YME1L1: variants seen among roughly 807,000 people sequenced by gnomAD.
YME1L1 encodes the protein ATP-dependent zinc metalloprotease YME1L1.
In YME1L1, 39 loss-of-function variants were observed where a neutral mutation model predicts 90.4. The observed-to-expected ratio is 0.43, with a 90% CI of 0.33 to 0.56. YME1L1 has a LOEUF of 0.56. Ranked by LOEUF, YME1L1 falls within the 20% of genes least tolerant of loss-of-function variation. The pLI is 0.03. For missense variants in YME1L1, 617 were observed against 868.4 expected, an observed-to-expected ratio of 0.71 and a Z score of 3.64; for synonymous variants, 284 against 287.3, an observed-to-expected ratio of 0.99 and a Z score of 0.12.
At chr10:27,126,976 C>T (rs2056926590) in intron 8 of YME1L1, among the ~76,000 whole-genome samples, 190 bp from the exon 9 acceptor site, 1 of 152,132 alleles carries the variant, frequency 6.6e-6, no homozygotes, top group African/African-American at 2.4e-5. Flanking sequence ...CCATTATTTC[C>T]CATTATGCAA....
chr10:27,118,856 A>G (rs1246961125), intron 14 of YME1L1, among the ~76,000 whole-genome samples: 4 of 152,224 alleles, frequency 2.6e-5, no homozygotes, highest in Non-Finnish European at 5.9e-5. Context: ...TACGTGCCTC[A>G]TCTCCCCACT....
chr10:27,117,362 G>C (rs556830719), intron 15 of YME1L1, among the ~76,000 whole-genome samples: 1 of 152,316 alleles, frequency 6.6e-6, no homozygotes, highest in Admixed American at 6.5e-5. Context: ...GAGGTCAGGA[G>C]TTCTAGAGCA....
In YME1L1 at chr10:27,120,605, C is replaced by T. The variant is rs191335720; in HGVS notation, c.1299-58G>A. ...TAAAACTATTTAAGCTCAAATTCAA[C>T]AGGACTGACACCCTAATGACGTGAC... On this transcript the variant is annotated intron_variant, in intron 12 of 18. Transcript: ENST00000376016. 12 of 1,379,356 alleles carry T rather than the reference C, an allele frequency of 8.7e-6. No individual in the cohort carries two copies. In the Middle Eastern group the frequency reaches 1.3e-3, roughly 146 times the overall value. The allele number at this position is 1,379,356 out of a possible 1,614,324, so 85.4% of individuals were successfully genotyped here.
intron 3 of YME1L1, 61 bp downstream of exon 3, chr10:27,145,367 G>GT (rs1328174945): frequency 7.5e-7 from 1 of 1,341,844 alleles, no homozygotes; most frequent in African/African-American, 1.5e-5. Flanking sequence ...CTAAGAAATG[G>GT]TATCTATAAT....
At chr10:27,129,100 AAAAAAAAAAAAAACT>A (rs2056950907) in intron 8 of YME1L1, 1 of 150,328 alleles carries the variant, frequency 6.7e-6, no homozygotes. Flanking sequence ...AAAAAAAAAA[AAAAAAAAAAAAAACT>A]CTCATTCCAA....
rs749293379 is a variant in YME1L1, at chr10:27,134,027, A to G, written c.775+12T>C. 1.3e-6 allele frequency: 2 copies of G among 1,579,506 alleles called. No individual in the cohort carries two copies. Among genetic ancestry groups the G allele is most frequent in the East Asian group, 2.2e-5 (1 of 44,696 alleles). The stretch of plus-strand genomic sequence containing the variant: ...ATAAGAAATAAGTTAGACAAATAAA[A>G]AAAGCTTTTACCAGATAAAAATGGG... On this transcript the variant is annotated intron_variant, in intron 7 of 18. Coordinates refer to ENST00000376016, the MANE Select transcript of YME1L1 (RefSeq NM_014263.4).
chr10:27,114,020 T>G (rs1242271907), intron 18 of YME1L1, among the ~76,000 whole-genome samples: 2 of 152,008 alleles, frequency 1.3e-5, no homozygotes, highest in Non-Finnish European at 1.5e-5. Context: ...CTTCCCATTC[T>G]ATTACCTCTT....
chr10:27,122,020 G>C (rs545299952), intron 11 of YME1L1, among the ~76,000 whole-genome samples: 7 of 152,214 alleles, frequency 4.6e-5, no homozygotes, highest in African/African-American at 1.7e-4. Flanking sequence ...ATAGGCTTGA[G>C]CTACTGTGCC....
At position 27,112,098 on chromosome 10, in the gene YME1L1, T is replaced by A. The variant is rs142481948; in HGVS notation, c.2030A>T (p.His677Leu). The change falls in exon 19 of 19, where the codon CAT (histidine) becomes CTT (leucine). Residue 677 changes from histidine (H) to leucine (L), a missense_variant. His to Leu is a moderately conservative substitution (Grantham distance 99, BLOSUM62 -3). This residue lies in a region of YME1L1 where 212 missense variants were observed against 330.0 expected (regional missense o/e 0.64). Coordinates refer to ENST00000376016, the MANE Select transcript of YME1L1 (RefSeq NM_014263.4). ...CTCCTTTGCATGAGTTTTCAAGATATGTTTTGCTCGTTCATATGAGTCCTG... is the reference window on the plus strand; with the variant it reads ...CTCCTTTGCATGAGTTTTCAAGATAAGTTTTGCTCGTTCATATGAGTCCTG... ...LLRDSYERAKHILKTHAKEHK... is the reference protein window; with the variant it reads ...LLRDSYERAKLILKTHAKEHK... 31 of 1,613,780 alleles carry A rather than the reference T, an allele frequency of 1.9e-5. No homozygotes were observed. Among genetic ancestry groups the A allele is most frequent in the Non-Finnish European group, 2.6e-5 (31 of 1,179,898 alleles).
chr10:27,121,748 ATT>A (rs10585648), intron 11 of YME1L1, among the ~76,000 whole-genome samples: 16 of 138,538 alleles, frequency 1.2e-4, no homozygotes, highest in Admixed American at 1.5e-4. Context: ...ACAAGCCACT[ATT>A]TTTTTTTTTT....
In YME1L1 at chr10:27,117,683, T is replaced by C. The variant is rs2135844119; in HGVS notation, c.1612A>G (p.Ile538Val). The C allele has an allele frequency of 6.2e-7, 1 of 1,614,244 alleles. No homozygotes were observed. The highest frequency in any genetic ancestry group is 8.5e-7 in the Non-Finnish European group (1 of 1,180,034). The change falls in exon 15 of 19, where the codon ATC (isoleucine) becomes GTC (valine). Residue 538 changes from isoleucine (I) to valine (V), a missense_variant. Around this residue, in one of 4 missense-constraint regions of YME1L1, gnomAD observed 212 missense variants for 330.0 expected, o/e 0.64. Transcript: ENST00000376016. ...TGACCAGATTCATGATATGCTGTGA[T>C]GGTTTTGTTTTTGTTATCAATTTCC... The part of the protein sequence containing the change: ...SVEIDNKNKT[I>V]TAYHESGHAI...
At position 27,119,474 on chromosome 10, in the gene YME1L1, C is replaced by T. The variant is rs368179982; in HGVS notation, c.1412-25G>A. On this transcript the variant is annotated intron_variant, in intron 13 of 18. Coordinates refer to ENST00000376016, the MANE Select transcript of YME1L1 (RefSeq NM_014263.4). ...GCTAATGTAAAAAGAGAACACAACG[C>T]TAATAAGTCTAAAACAGGTAAAAGA... The T allele has an allele frequency of 4.3e-4, 690 of 1,594,018 alleles. 1 individual carries two copies. The highest frequency in any genetic ancestry group is 5.5e-4 in the Non-Finnish European group (646 of 1,173,964).
At chr10:27,125,875 G>A (rs1489073097) in intron 9 of YME1L1, among the ~76,000 whole-genome samples, 1 of 151,802 alleles carries the variant, frequency 6.6e-6, no homozygotes, top group Non-Finnish European at 1.5e-5. Context: ...AATGGCCCCT[G>A]GTTCAAGACC....
chr10:27,131,901 A>G lies in YME1L1; in HGVS notation c.816T>C (p.Asp272=), dbSNP rs2056980875. 6.2e-7 allele frequency: 1 copy of G among 1,613,412 alleles called. No homozygotes were observed. Among genetic ancestry groups the G allele is most frequent in the Non-Finnish European group, 8.5e-7 (1 of 1,179,842 alleles). The part of the protein sequence containing the change: ...RTTTGLDSAV[D]PVQMKNVTFE... ...AGGTGACATTTTTCATCTGGACAGG[A>G]TCTACTGCAGAATCAAGCCCTGTTG... is the stretch of plus-strand genomic sequence containing the variant. Residue 272 remains aspartate (D), a synonymous_variant, in exon 8 of 19, where the codon GAT becomes GAC. Transcript: ENST00000376016.
At chr10:27,149,109 G>A (rs1200423576) in intron 1 of YME1L1, 69 bp from the exon 2 acceptor site, 1 of 1,370,532 alleles carries the variant, frequency 7.3e-7, no homozygotes, top group East Asian at 2.3e-5. Context: ...TCCTTTTTTT[G>A]TCAGGATTTG....
At chr10:27,116,022 T>A in intron 17 of YME1L1, 38 bp downstream of exon 17, 1 of 1,558,736 alleles carries the variant, frequency 6.4e-7, no homozygotes, top group Non-Finnish European at 8.8e-7. Flanking sequence ...ACTTGACACA[T>A]AATTTGATAC....
intron 2 of YME1L1, chr10:27,145,824 A>T: frequency 3.3e-6 from 1 of 306,124 alleles, no homozygotes; most frequent in South Asian, 1.1e-4. Flanking sequence ...ATCCTTAAAT[A>T]AAGAGATGAC....
chr10:27,112,150 C>G, intron 18 of YME1L1, 30 bp from the exon 19 acceptor site: 1 of 1,581,260 alleles, frequency 6.3e-7, no homozygotes, highest in Non-Finnish European at 8.6e-7. Flanking sequence ...ACGTAAGCAG[C>G]AGCAAATGCA....
intron 12 of YME1L1, 67 bp downstream of exon 12, chr10:27,121,319 G>A (rs2056865375): frequency 9.0e-6 from 10 of 1,114,742 alleles, no homozygotes; most frequent in East Asian, 4.8e-5. Flanking sequence ...CTTTTGCAAC[G>A]GACTTCTTTT....
Sources: allele counts gnomAD v4.1 joint callset (sites outside exome capture counted in the v4.1 genomes callset), GRCh38; gene constraint gnomAD v4.1.1; regional missense constraint gnomAD v4.1.1; transcripts MANE v1.5; gene names NCBI Gene and HGNC (gene_info 2026-07-23, HGNC 2026-07-21).